DAP: variants seen among roughly 807,000 people sequenced by gnomAD.
DAP encodes the protein death-associated protein 1.
A neutral mutation model predicts 13.8 loss-of-function variants in DAP; 8 were observed. That is an observed-to-expected ratio of 0.58 (90% CI 0.34 to 1.05). The LOEUF (loss-of-function observed/expected upper bound fraction) is 1.05, where lower values mean the gene tolerates loss of function less well. DAP is among the 50% of genes least tolerant of loss of function. The pLI is 0.03. For missense variants in DAP, 106 were observed against 133.2 expected (o/e 0.80, Z 1.01); for synonymous variants, 47 against 47.5 (o/e 0.99, Z 0.04).
chr5:10,738,194 C>A (rs1200470087), intron 2 of DAP, among the ~76,000 whole-genome samples: 2 of 152,342 alleles, frequency 1.3e-5, no homozygotes, highest in East Asian at 1.9e-4. Flanking sequence ...GTTAAGGCAG[C>A]CCTGGGAAAC....
At chr5:10,689,319 T>C (rs1198869666) in intron 2 of DAP, among the ~76,000 whole-genome samples, 1 of 152,058 alleles carries the variant, frequency 6.6e-6, no homozygotes, top group African/African-American at 2.4e-5. Flanking sequence ...AACTGCTGAA[T>C]GGCCATGGAG....
At chr5:10,760,708 A>T (rs1260170766) in intron 1 of DAP, among the ~76,000 whole-genome samples, 1 of 152,226 alleles carries the variant, frequency 6.6e-6, no homozygotes, top group African/African-American at 2.4e-5. Flanking sequence ...CTTTGTTATA[A>T]GTTGTGCAAC....
intron 2 of DAP, among the ~76,000 whole-genome samples, chr5:10,710,135 G>A (rs3776421): frequency 0.079 from 12,060 of 152,146 alleles, 697 homozygotes; most frequent in East Asian, 0.29. Context: ...CTCAGCAAAC[G>A]ACCCCTCCCC....
At chr5:10,717,680 C>T (rs1220089180) in intron 2 of DAP, among the ~76,000 whole-genome samples, 2 of 152,184 alleles carry the variant, frequency 1.3e-5, no homozygotes, top group Admixed American at 6.5e-5. Flanking sequence ...CCTCTGTTTG[C>T]TAATTAGATA....
intron 2 of DAP, 50 bp from the exon 3 acceptor site, chr5:10,683,621 G>A (rs1031677343): frequency 6.3e-6 from 10 of 1,579,982 alleles, no homozygotes; most frequent in Non-Finnish European, 8.7e-6. Flanking sequence ...GTCCACAACA[G>A]GGAACACGGT....
intron 3 of DAP, among the ~76,000 whole-genome samples, chr5:10,681,516 T>G (rs1243624779): frequency 4.0e-5 from 6 of 148,558 alleles, no homozygotes; most frequent in Admixed American, 1.3e-4. Flanking sequence ...ATGGTGTTTG[T>G]GGGTGAGGAA....
At position 10,693,647 on chromosome 5, in the gene DAP, G is replaced by T. The variant is rs556350050; in HGVS notation, c.153-10076C>A. Among the ~76,000 whole-genome samples, 303 of 152,324 alleles carry T rather than the reference G, an allele frequency of 2.0e-3. 1 individual carries two copies. Among genetic ancestry groups the T allele is most frequent in the African/African-American group, 6.9e-3 (288 of 41,566 alleles). ...GTAATAAGTGCTGGGAACCAGACTT[G>T]GAACGAGGGCTGTATAGTGCATGTA... On this transcript the variant is annotated intron_variant, in intron 2 of 3. Transcript: ENST00000230895.
At chr5:10,693,484 T>C (rs1348908361) in intron 2 of DAP, among the ~76,000 whole-genome samples, 1 of 152,238 alleles carries the variant, frequency 6.6e-6, no homozygotes, top group Non-Finnish European at 1.5e-5. Context: ...CTATGTACTA[T>C]GGACCAGGTG....
intron 2 of DAP, among the ~76,000 whole-genome samples, chr5:10,713,789 C>T (rs76063789): frequency 0.023 from 3,498 of 152,324 alleles, 91 homozygotes; most frequent in African/African-American, 0.071. Context: ...ATTCCTCATT[C>T]GGGTGATGAC....
At chr5:10,712,525 G>C (rs529627264) in intron 2 of DAP, among the ~76,000 whole-genome samples, 129 of 152,282 alleles carry the variant, frequency 8.5e-4, no homozygotes, top group South Asian at 3.5e-3. Context: ...GGAGGACTGA[G>C]CACGGTGTAT....
chr5:10,757,865 A>T (rs1740230844), intron 1 of DAP, among the ~76,000 whole-genome samples: 1 of 152,244 alleles, frequency 6.6e-6, no homozygotes, highest in Admixed American at 6.5e-5. Context: ...CTTATTGAGT[A>T]TTTTGTGCCA....
chr5:10,695,986 G>C (rs1010183846), intron 2 of DAP, among the ~76,000 whole-genome samples: 1 of 152,072 alleles, frequency 6.6e-6, no homozygotes, highest in Non-Finnish European at 1.5e-5. Flanking sequence ...GCCACAGACT[G>C]GGAGTCTGGT....
chr5:10,727,295 A>G (rs1472987252), intron 2 of DAP, among the ~76,000 whole-genome samples: 1 of 152,126 alleles, frequency 6.6e-6, no homozygotes, highest in African/African-American at 2.4e-5. Context: ...ACCACCCACA[A>G]TGGAACCACA....
chr5:10,719,143 G>T (rs1457927184), intron 2 of DAP, among the ~76,000 whole-genome samples: 1 of 152,226 alleles, frequency 6.6e-6, no homozygotes, highest in Non-Finnish European at 1.5e-5. Flanking sequence ...ACAAGTTGCT[G>T]CATTTGGCCC....
At chr5:10,713,827 T>C (rs1426236684) in intron 2 of DAP, among the ~76,000 whole-genome samples, 1 of 152,266 alleles carries the variant, frequency 6.6e-6, no homozygotes, top group Admixed American at 6.5e-5. Context: ...AGTTCTCTAA[T>C]GGACGGTAAA....
chr5:10,710,414 G>A (rs1738818119), intron 2 of DAP, among the ~76,000 whole-genome samples: 1 of 152,234 alleles, frequency 6.6e-6, no homozygotes, highest in East Asian at 1.9e-4. Flanking sequence ...TCACCCCACT[G>A]CACTGAGAGG....
chr5:10,699,042 G>A (rs578165796), intron 2 of DAP, among the ~76,000 whole-genome samples: 2 of 152,170 alleles, frequency 1.3e-5, no homozygotes, highest in Admixed American at 6.5e-5. Flanking sequence ...TGCAGGTTTG[G>A]GGGGGATCTC....
chr5:10,729,167 C>T (rs542570548), intron 2 of DAP, among the ~76,000 whole-genome samples: 2 of 152,210 alleles, frequency 1.3e-5, no homozygotes, highest in Admixed American at 1.3e-4. Context: ...TCCCTCATGC[C>T]CACTTTCCAC....
chr5:10,744,090 C>A (rs1392220510), intron 2 of DAP, among the ~76,000 whole-genome samples: 2 of 152,040 alleles, frequency 1.3e-5, no homozygotes, highest in African/African-American at 2.4e-5. Flanking sequence ...TGTCCCTTTT[C>A]TCTGTAATCA....
Sources: allele counts gnomAD v4.1 joint callset (sites outside exome capture counted in the v4.1 genomes callset), GRCh38; gene constraint gnomAD v4.1.1; transcripts MANE v1.5; gene names NCBI Gene and HGNC (gene_info 2026-07-23, HGNC 2026-07-21).